Variants in SGCZ observed in about 807,000 individuals in gnomAD.
SGCZ encodes the protein sarcoglycan zeta.
SGCZ carries 40 observed loss-of-function variants against 41.3 expected under a neutral mutation model. The ratio of observed to expected loss-of-function variants is 0.97; its 90% CI spans 0.75 to 1.26. The LOEUF is 1.26. Among genes scored for constraint, SGCZ ranks in the 50% most tolerant of loss-of-function variants. The pLI is 0.00. For missense variants in SGCZ, 552 were observed against 369.8 expected (o/e 1.49, Z -4.04); for synonymous variants, 206 against 137.5 (o/e 1.50, Z -3.49).
intron 1 of SGCZ, among the ~76,000 whole-genome samples, chr8:14,847,754 G>A (rs1803183253): frequency 7.4e-6 from 1 of 134,916 alleles, no homozygotes; most frequent in Non-Finnish European, 1.6e-5. Context: ...AGGGAAGGAG[G>A]GAGGGGAGCC....
At chr8:14,708,778 C>T (rs562174141) in intron 1 of SGCZ, among the ~76,000 whole-genome samples, 10 of 150,910 alleles carry the variant, frequency 6.6e-5, no homozygotes, top group African/African-American at 2.4e-4. Flanking sequence ...GATATGGCTT[C>T]AGTAAGAACA....
intron 1 of SGCZ, among the ~76,000 whole-genome samples, chr8:14,671,281 C>A (rs1255001466): frequency 6.6e-6 from 1 of 152,182 alleles, no homozygotes; most frequent in Non-Finnish European, 1.5e-5. Context: ...CTGGCTGTCT[C>A]TGCTCTGGCA....
At chr8:14,165,178 T>A (rs1185088175) in intron 4 of SGCZ, 1 of 152,988 alleles carries the variant, frequency 6.5e-6, no homozygotes, top group African/African-American at 2.4e-5. Flanking sequence ...TTAGCTAGTC[T>A]ACATGTCATA....
chr8:14,802,222 T>A (rs1214623709), intron 1 of SGCZ, among the ~76,000 whole-genome samples: 1 of 152,170 alleles, frequency 6.6e-6, no homozygotes, highest in Admixed American at 6.5e-5. Context: ...ATCCTTTGCA[T>A]GGGAATAAGA....
intron 4 of SGCZ, among the ~76,000 whole-genome samples, chr8:14,209,961 T>C (rs974522978): frequency 2.6e-5 from 4 of 152,020 alleles, no homozygotes; most frequent in African/African-American, 9.7e-5. Flanking sequence ...TTTACTTCTA[T>C]GTGAAATGAG....
Position 14,234,907 on chromosome 8 carries a change from A to G in SGCZ, c.424+2685T>C, listed in dbSNP as rs147422917. On this transcript the variant is annotated intron_variant, in intron 4 of 7. Transcript: ENST00000382080. ...TATCTCTCAACAGTACCATAATTCAACCTTATCTAATATCACACAGATACA... is the reference window on the plus strand; with the variant it reads ...TATCTCTCAACAGTACCATAATTCAGCCTTATCTAATATCACACAGATACA... Among the ~76,000 whole-genome samples the G allele has an allele frequency of 2.7e-3, 414 of 152,270 alleles. 1 individual carries two copies. The highest frequency in any genetic ancestry group is 9.2e-3 in the African/African-American group (384 of 41,580).
chr8:14,645,478 TTATATGTA>T (rs1325768677), intron 1 of SGCZ, among the ~76,000 whole-genome samples: 1 of 106,618 alleles, frequency 9.4e-6, no homozygotes, highest in Admixed American at 9.9e-5. Context: ...ATATATATAT[TTATATGTA>T]TATATATATA....
intron 1 of SGCZ, among the ~76,000 whole-genome samples, chr8:15,178,553 T>C (rs1800067671): frequency 6.6e-6 from 1 of 152,202 alleles, no homozygotes; most frequent in Admixed American, 6.5e-5. Context: ...TTGTTTATTG[T>C]ATAATAATAC....
At chr8:14,729,050 G>A (rs898896789) in intron 1 of SGCZ, among the ~76,000 whole-genome samples, 3 of 152,106 alleles carry the variant, frequency 2.0e-5, no homozygotes, top group Non-Finnish European at 4.4e-5. Context: ...AGCCTTCAAG[G>A]AAGGAATCCA....
chr8:14,444,440 A>C (rs1215422153), intron 2 of SGCZ, among the ~76,000 whole-genome samples: 2 of 152,174 alleles, frequency 1.3e-5, no homozygotes, highest in East Asian at 1.9e-4. Flanking sequence ...AGACTGGATC[A>C]AGAAAATGTG....
intron 1 of SGCZ, among the ~76,000 whole-genome samples, chr8:14,926,863 T>A (rs1248133973): frequency 1.3e-5 from 2 of 151,978 alleles, no homozygotes; most frequent in Non-Finnish European, 2.9e-5. Flanking sequence ...AAGGTCGTGA[T>A]CTCCTGACCT....
At chr8:14,929,708 C>T (rs551430611) in intron 1 of SGCZ, among the ~76,000 whole-genome samples, 1 of 151,958 alleles carries the variant, frequency 6.6e-6, no homozygotes, top group African/African-American at 2.4e-5. Context: ...GGTATAAAAT[C>T]CACAGCTGAC....
intron 1 of SGCZ, among the ~76,000 whole-genome samples, chr8:15,079,822 C>G (rs1015060285): frequency 5.9e-5 from 9 of 152,132 alleles, no homozygotes; most frequent in Non-Finnish European, 8.8e-5. Context: ...TCTAATCATC[C>G]TATCGCCCAA....
At chr8:14,430,775 T>C (rs1799921911) in intron 2 of SGCZ, among the ~76,000 whole-genome samples, 1 of 152,150 alleles carries the variant, frequency 6.6e-6, no homozygotes, top group South Asian at 2.1e-4. Flanking sequence ...ACTGATAATA[T>C]CATTGTTTAT....
chr8:14,616,403 C>T (rs1397296), intron 1 of SGCZ, among the ~76,000 whole-genome samples: 92,426 of 151,936 alleles, frequency 0.61, 28,189 homozygotes, highest in East Asian at 0.76. Context: ...TTCTCTAAAG[C>T]TTAAGCTTCC....
intron 2 of SGCZ, among the ~76,000 whole-genome samples, chr8:14,345,421 A>C (rs921125598): frequency 6.6e-6 from 1 of 152,160 alleles, no homozygotes; most frequent in Admixed American, 6.5e-5. Context: ...AGTCCTCAGA[A>C]TACACCCAGA....
At chr8:14,415,071 G>C (rs1332123131) in intron 2 of SGCZ, among the ~76,000 whole-genome samples, 1 of 151,726 alleles carries the variant, frequency 6.6e-6, no homozygotes, top group Non-Finnish European at 1.5e-5. Flanking sequence ...TTATTAATGG[G>C]AGAGTGTTTT....
intron 1 of SGCZ, among the ~76,000 whole-genome samples, chr8:15,049,775 G>A (rs995361300): frequency 2.0e-5 from 3 of 152,044 alleles, no homozygotes; most frequent in African/African-American, 7.3e-5. Flanking sequence ...CTAAATCATG[G>A]AGGCAATTCC....
chr8:15,232,170 A>C (rs927265117), intron 1 of SGCZ, among the ~76,000 whole-genome samples: 4 of 152,214 alleles, frequency 2.6e-5, no homozygotes, highest in Non-Finnish European at 5.9e-5. Flanking sequence ...GCTCTGCCAA[A>C]TTGTATTTTA....
Sources: allele counts gnomAD v4.1 joint callset (sites outside exome capture counted in the v4.1 genomes callset), GRCh38; gene constraint gnomAD v4.1.1; transcripts MANE v1.5; gene names NCBI Gene and HGNC (gene_info 2026-07-23, HGNC 2026-07-21).